Variants in PTPRM observed in about 807,000 individuals in gnomAD.
PTPRM encodes protein tyrosine phosphatase receptor type M, also known as receptor-type tyrosine-protein phosphatase mu.
Under a neutral mutation model 186.7 loss-of-function variants are expected in PTPRM, and 47 were observed. The ratio of observed to expected loss-of-function variants is 0.25; its 90% confidence interval spans 0.20 to 0.32. PTPRM has a LOEUF of 0.32. Among genes scored for constraint, PTPRM ranks in the 10% least tolerant of loss-of-function variants. PTPRM has a pLI of 1.00. For missense variants in PTPRM, 1,494 were observed against 1,865.0 expected (o/e 0.80, Z 3.66); for synonymous variants, 668 against 674.9 (o/e 0.99, Z 0.16).
chr18:8,351,679 C>A (rs1409635946), intron 23 of PTPRM, among the ~76,000 whole-genome samples: 2 of 152,176 alleles, frequency 1.3e-5, no homozygotes, highest in African/African-American at 2.4e-5. Context: ...GAAATAGCAG[C>A]AATTCCTAAA....
Position 7,752,597 on chromosome 18 carries a change from T to A in PTPRM, c.74-21552T>A, listed in dbSNP as rs567685323. ...TGCCACCATGCCTGGCTAATTTTTT[T>A]AATTTTTTTATTTTTTGTATTTTTT... On this transcript the variant is annotated intron_variant, in intron 1 of 32. Transcript: ENST00000580170. Among the ~76,000 whole-genome samples, 18 of 152,016 alleles carry A rather than the reference T, an allele frequency of 1.2e-4. No individual in the cohort carries two copies. In the South Asian group the frequency reaches 1.5e-3, roughly 12 times the overall value.
chr18:8,340,696 C>T (rs1260869886), intron 22 of PTPRM, among the ~76,000 whole-genome samples: 1 of 152,122 alleles, frequency 6.6e-6, no homozygotes, highest in African/African-American at 2.4e-5. Flanking sequence ...TCAGAACAAA[C>T]AAATCTTTGG....
At position 7,957,259 on chromosome 18, in the gene PTPRM, C is replaced by A. The variant is rs139598902; in HGVS notation, c.1132+1845C>A. Among the ~76,000 whole-genome samples, 332 of 151,248 alleles carry A rather than the reference C, an allele frequency of 2.2e-3. 4 individuals are homozygous for A. Among genetic ancestry groups the A allele is most frequent in the African/African-American group, 7.7e-3 (317 of 41,126 alleles). ...TATTGACACATTGCTGTATATATAT[C>A]CACTGATTATAATGCATGTGTCTGT... On this transcript the variant is annotated intron_variant, in intron 7 of 32. Transcript: ENST00000580170.
At chr18:7,840,852 T>C (rs558081279) in intron 2 of PTPRM, among the ~76,000 whole-genome samples, 1 of 152,348 alleles carries the variant, frequency 6.6e-6, no homozygotes, top group East Asian at 1.9e-4. Flanking sequence ...CTTTGGTCAA[T>C]GTGTTTGTTA....
Position 8,371,062 on chromosome 18 carries a change from A to G in PTPRM, c.3171+56A>G, listed in dbSNP as rs979842693. The G allele has an allele frequency of 4.8e-6, 5 of 1,051,702 alleles. No individual in the cohort carries two copies. The African/African-American group carries it at 6.4e-5, about 14-fold the overall frequency. The allele number at this position is 1,051,702 out of a possible 1,614,324, so 65.1% of individuals were successfully genotyped here. ...GGTCAGACACTAGTGGTACCATACT[A>G]GCCTCATTAACTTACCTAGGATACT... is the stretch of plus-strand genomic sequence containing the variant. On this transcript the variant is annotated intron_variant, in intron 24 of 32. Transcript: ENST00000580170.
intron 1 of PTPRM, among the ~76,000 whole-genome samples, chr18:7,725,148 C>T (rs2040521072): frequency 6.6e-6 from 1 of 152,186 alleles, no homozygotes; most frequent in Admixed American, 6.5e-5. Flanking sequence ...TTTATCCTGT[C>T]CCTAAATCTC....
chr18:8,130,408 C>T (rs902576757), intron 13 of PTPRM, among the ~76,000 whole-genome samples: 1 of 152,154 alleles, frequency 6.6e-6, no homozygotes, highest in Non-Finnish European at 1.5e-5. Flanking sequence ...GGGAGCATCA[C>T]TTTCCTTGAT....
At chr18:7,956,974 T>G (rs1412962867) in intron 7 of PTPRM, among the ~76,000 whole-genome samples, 1 of 152,260 alleles carries the variant, frequency 6.6e-6, no homozygotes, top group Non-Finnish European at 1.5e-5. Context: ...TTTCTACTTC[T>G]AAGCTCACTC....
intron 2 of PTPRM, among the ~76,000 whole-genome samples, chr18:7,781,013 T>C (rs1465837018): frequency 1.3e-5 from 2 of 152,062 alleles, no homozygotes; most frequent in Non-Finnish European, 2.9e-5. Context: ...TGAGACCCAA[T>C]AACACACACC....
intron 1 of PTPRM, among the ~76,000 whole-genome samples, chr18:7,602,905 A>AATTATTATT (rs71354561): frequency 0.025 from 3,556 of 141,668 alleles, 60 homozygotes; most frequent in African/African-American, 0.045. Flanking sequence ...ATGTATTTGG[A>AATTATTATT]ATTATTATTA....
chr18:7,986,402 G>A (rs577488170), intron 7 of PTPRM, among the ~76,000 whole-genome samples: 32 of 152,354 alleles, frequency 2.1e-4, no homozygotes, highest in South Asian at 4.1e-4. Context: ...GAGAAACACA[G>A]TAGAACTTAT....
At chr18:7,936,352 GGCTTCGAAGTACCT>G (rs2051807252) in intron 5 of PTPRM, among the ~76,000 whole-genome samples, 1 of 152,208 alleles carries the variant, frequency 6.6e-6, no homozygotes. Context: ...TGCACCTGCA[GGCTTCGAAGTACCT>G]GCTTCCACTG....
chr18:7,625,753 T>C (rs971163695), intron 1 of PTPRM, among the ~76,000 whole-genome samples: 1 of 149,778 alleles, frequency 6.7e-6, no homozygotes, highest in Non-Finnish European at 1.5e-5. Context: ...CAGGCTGGTC[T>C]TGAACTCCTG....
At chr18:7,760,007 A>G (rs957744018) in intron 1 of PTPRM, among the ~76,000 whole-genome samples, 4 of 152,152 alleles carry the variant, frequency 2.6e-5, no homozygotes, top group Admixed American at 2.0e-4. Context: ...AGGATTGACA[A>G]TCCTAGATGC....
chr18:7,915,637 C>A (rs1009406341), intron 4 of PTPRM, among the ~76,000 whole-genome samples: 1 of 151,836 alleles, frequency 6.6e-6, no homozygotes, highest in Non-Finnish European at 1.5e-5. Flanking sequence ...ATCAACACTG[C>A]GAAATAGGTA....
At chr18:8,300,659 C>T (rs879486071) in intron 20 of PTPRM, among the ~76,000 whole-genome samples, 8 of 152,152 alleles carry the variant, frequency 5.3e-5, no homozygotes, top group Non-Finnish European at 1.0e-4. Flanking sequence ...CTGGGCATTG[C>T]GGTGGGCTGT....
chr18:8,392,902 A>G (rs1377131970), intron 31 of PTPRM, among the ~76,000 whole-genome samples: 1 of 152,232 alleles, frequency 6.6e-6, no homozygotes, highest in African/African-American at 2.4e-5. Flanking sequence ...TAAACAAATC[A>G]TAAAATAAAT....
chr18:7,999,188 C>T (rs888559308), intron 7 of PTPRM, among the ~76,000 whole-genome samples: 2 of 152,078 alleles, frequency 1.3e-5, no homozygotes, highest in Non-Finnish European at 2.9e-5. Flanking sequence ...TTGAGAGAAT[C>T]CCATTAACCT....
intron 5 of PTPRM, among the ~76,000 whole-genome samples, chr18:7,928,520 A>G (rs2051302678): frequency 1.3e-5 from 2 of 152,354 alleles, no homozygotes; most frequent in East Asian, 3.9e-4. Context: ...TGAGACAAAC[A>G]TCTTCTATTG....
Sources: gnomAD v4.1 joint callset for allele counts (sites outside exome capture counted in the v4.1 genomes callset) on GRCh38, gnomAD v4.1.1 for gene constraint, MANE v1.5 for transcripts, NCBI Gene and HGNC (gene_info 2026-07-23, HGNC 2026-07-21) for gene names.